Variants in PTPRM observed in about 807,000 individuals in gnomAD.
The protein encoded by PTPRM is protein tyrosine phosphatase receptor type M.
A neutral mutation model predicts 186.7 loss-of-function variants in PTPRM; 47 were observed. The ratio of observed to expected loss-of-function variants is 0.25; its 90% CI spans 0.20 to 0.32. PTPRM has a LOEUF of 0.32. Among genes scored for constraint, PTPRM ranks in the 10% least tolerant of loss-of-function variants. PTPRM has a pLI of 1.00. For missense variants in PTPRM, 1,494 were observed against 1,865.0 expected, an observed-to-expected ratio of 0.80 and a Z score of 3.66; for synonymous variants, 668 against 674.9, an observed-to-expected ratio of 0.99 and a Z score of 0.16.
chr18:7,574,351 T>C (rs558873674), intron 1 of PTPRM, among the ~76,000 whole-genome samples: 27 of 152,354 alleles, frequency 1.8e-4, no homozygotes, highest in African/African-American at 6.3e-4. Context: ...TGGTTAGCCA[T>C]TGGAAATTTC....
At chr18:7,597,919 T>G (rs1192049369) in intron 1 of PTPRM, among the ~76,000 whole-genome samples, 2 of 152,190 alleles carry the variant, frequency 1.3e-5, no homozygotes, top group African/African-American at 2.4e-5. Flanking sequence ...GGGTCATCTG[T>G]CAGGCCATTT....
chr18:7,881,684 G>A (rs1326405937), intron 2 of PTPRM, among the ~76,000 whole-genome samples: 1 of 152,066 alleles, frequency 6.6e-6, no homozygotes, highest in Non-Finnish European at 1.5e-5. Context: ...AGGCACTGGT[G>A]GCCCATTTTG....
chr18:8,001,203 G>C (rs1034923304), intron 7 of PTPRM, among the ~76,000 whole-genome samples: 1 of 152,164 alleles, frequency 6.6e-6, no homozygotes, highest in Non-Finnish European at 1.5e-5. Context: ...GTCTGAATTC[G>C]TTGCAAGTCT....
chr18:8,152,712 C>CTTTTTTTT (rs35112154), intron 14 of PTPRM, among the ~76,000 whole-genome samples: 101 of 56,950 alleles, frequency 1.8e-3, no homozygotes, highest in Non-Finnish European at 1.9e-3. Context: ...TGCCTCACCT[C>CTTTTTTTT]TTTTTTTTTT....
intron 14 of PTPRM, among the ~76,000 whole-genome samples, chr18:8,178,990 C>T (rs1374503932): frequency 2.0e-5 from 3 of 152,118 alleles, no homozygotes; most frequent in Non-Finnish European, 4.4e-5. Context: ...AAGTGATATT[C>T]TTTACTTACC....
intron 1 of PTPRM, among the ~76,000 whole-genome samples, chr18:7,571,946 C>A (rs1310060734): frequency 6.6e-6 from 1 of 152,130 alleles, no homozygotes; most frequent in Non-Finnish European, 1.5e-5. Context: ...GTTTGTTTAG[C>A]AGTTAAGTTT....
At chr18:8,162,458 A>C (rs1346000267) in intron 14 of PTPRM, among the ~76,000 whole-genome samples, 3 of 152,058 alleles carry the variant, frequency 2.0e-5, no homozygotes, top group Non-Finnish European at 2.9e-5. Flanking sequence ...TTTGAAAACA[A>C]CTCCGCCAGT....
At chr18:7,884,439 A>C (rs1172796876) in intron 2 of PTPRM, among the ~76,000 whole-genome samples, 1 of 152,140 alleles carries the variant, frequency 6.6e-6, no homozygotes, top group African/African-American at 2.4e-5. Flanking sequence ...GTGCTGCTTA[A>C]TTGATTTCCA....
intron 22 of PTPRM, among the ~76,000 whole-genome samples, chr18:8,325,685 G>A (rs989402005): frequency 6.6e-6 from 1 of 152,096 alleles, no homozygotes; most frequent in African/African-American, 2.4e-5. Flanking sequence ...TTTTCTTTGG[G>A]TATACAGCCA....
rs572505841 is a variant in PTPRM at position 7,903,937 on chromosome 18, T to A, written c.469-2568T>A. Among the ~76,000 whole-genome samples the A allele has an allele frequency of 3.3e-5, 5 of 152,322 alleles. No homozygotes were observed. The South Asian group carries it at 1.0e-3, about 32-fold the overall frequency. On this transcript the variant is annotated intron_variant, in intron 3 of 32. Transcript: ENST00000580170. ...AGAAGTGAAAACATCATATTTGGAA[T>A]CAGAAAAATTGAGTTTAAAGATTGC...
chr18:7,573,491 G>A lies in PTPRM; in HGVS notation c.73+5600G>A, dbSNP rs566881214. On this transcript the variant is annotated intron_variant, in intron 1 of 32. Coordinates refer to ENST00000580170, the MANE Select transcript of PTPRM (RefSeq NM_001105244.2). ...CAGCTGTGGTGATTCTGATGTCCAC[G>A]ACAGAGGTCCCCCAGCATCCCTGGG... 9.2e-5 allele frequency among the ~76,000 whole-genome samples: 14 copies of A among 152,306 alleles called. 1 individual carries two copies. The South Asian group carries it at 1.2e-3, about 14-fold the overall frequency.
At chr18:8,219,549 A>G (rs1263806048) in intron 14 of PTPRM, among the ~76,000 whole-genome samples, 1 of 152,222 alleles carries the variant, frequency 6.6e-6, no homozygotes, top group Non-Finnish European at 1.5e-5. Context: ...GACAAAGTCA[A>G]GAGAGTCAGA....
At chr18:8,130,284 A>G (rs1294647394) in intron 13 of PTPRM, among the ~76,000 whole-genome samples, 2 of 152,106 alleles carry the variant, frequency 1.3e-5, no homozygotes, top group African/African-American at 2.4e-5. Flanking sequence ...GTCGCTCTCC[A>G]TGGTGGAACT....
chr18:7,751,376 A>G (rs1400224861), intron 1 of PTPRM: 3 of 152,234 alleles, frequency 2.0e-5, no homozygotes, highest in South Asian at 4.2e-4. Flanking sequence ...CCACCCACAT[A>G]TTTAACTTGC....
At chr18:7,585,241 A>G (rs991948206) in intron 1 of PTPRM, among the ~76,000 whole-genome samples, 16 of 152,234 alleles carry the variant, frequency 1.1e-4, no homozygotes, top group East Asian at 5.8e-4. Context: ...AAACTTTTAC[A>G]TAGTCTTTTG....
chr18:8,193,980 T>A (rs1317993041), intron 14 of PTPRM, among the ~76,000 whole-genome samples: 1 of 152,230 alleles, frequency 6.6e-6, no homozygotes, highest in East Asian at 1.9e-4. Context: ...CTGATTTGGG[T>A]TGACATTGAC....
chr18:8,032,880 A>T (rs1237004909), intron 7 of PTPRM, among the ~76,000 whole-genome samples: 1 of 152,132 alleles, frequency 6.6e-6, no homozygotes, highest in Admixed American at 6.5e-5. Flanking sequence ...CTATAGGTTA[A>T]GGTTTAACCC....
intron 1 of PTPRM, among the ~76,000 whole-genome samples, chr18:7,705,697 C>T (rs1035898900): frequency 2.6e-5 from 4 of 151,408 alleles, no homozygotes; most frequent in Admixed American, 2.6e-4. Context: ...CTCTCTCTTT[C>T]TTTCATTCTT....
chr18:7,699,679 A>C (rs2039918608), intron 1 of PTPRM, among the ~76,000 whole-genome samples: 1 of 151,488 alleles, frequency 6.6e-6, no homozygotes, highest in South Asian at 2.1e-4. Flanking sequence ...AGTGTGAGCC[A>C]CTGCACCTGG....
Sources: gnomAD v4.1 joint callset for allele counts (sites outside exome capture counted in the v4.1 genomes callset) on GRCh38, gnomAD v4.1.1 for gene constraint, MANE v1.5 for transcripts, NCBI Gene and HGNC (gene_info 2026-07-23, HGNC 2026-07-21) for gene names.